DIRAS1: variants seen among roughly 807,000 people sequenced by gnomAD.
DIRAS1 encodes GTP-binding protein Di-Ras1.
DIRAS1 carries 3 observed loss-of-function variants against 11.5 expected under a neutral mutation model. The observed-to-expected ratio is 0.26, with a 90% CI of 0.12 to 0.67. The LOEUF (loss-of-function observed/expected upper bound fraction) is 0.67. Among genes scored for constraint, DIRAS1 ranks in the 30% least tolerant of loss-of-function variants. The pLI, the probability that DIRAS1 is intolerant of heterozygous loss-of-function variation, is 0.80. For synonymous variants in DIRAS1, 128 were observed against 125.8 expected (o/e 1.02, Z -0.12); for missense variants, 212 against 285.3 (o/e 0.74, Z 1.85).
Position 2,717,515 on chromosome 19 carries a change from C to G in DIRAS1, c.292G>C (p.Gly98Arg), listed in dbSNP as rs1257475292. The G allele has an allele frequency of 1.9e-6, 3 of 1,612,966 alleles. No individual in the cohort carries two copies. In the East Asian group the frequency reaches 6.7e-5, roughly 36 times the overall value. Residue 98 changes from glycine to arginine, a missense_variant, in exon 2 of 2, where the codon GGG becomes CGG. Physicochemically the swap from Gly to Arg is moderately radical, Grantham distance 125. This residue lies in a region of DIRAS1 where 128 missense variants were observed against 205.3 expected (regional missense o/e 0.62). Transcript: ENST00000323469. ...TGCACGATGAGCTTGTAGATGGGCC[C>G]CAGCTCCTCCAGCGACTGCTTGCTG... ...VTSKQSLEEL[G>R]PIYKLIVQIK...
chr19:2,717,759 G>A lies in DIRAS1; in HGVS notation c.48C>T (p.Gly16=), dbSNP rs1390866824. The change falls in exon 2 of 2, where the codon GGC becomes GGT. Residue 16 remains glycine, a synonymous_variant. Transcript: ENST00000323469. ...NDYRVVVFGA[G]GVGKSSLVLR... ...GCACCAGCGAGCTCTTGCCCACGCC[G>A]CCCGCCCCGAACACCACCACGCGGT... 2 of 1,602,506 alleles carry A rather than the reference G, an allele frequency of 1.2e-6. No homozygotes were observed. The highest frequency in any genetic ancestry group is 1.7e-5 in the Admixed American group (1 of 60,004).
chr19:2,715,601 C>T lies in DIRAS1; in HGVS notation c.*1609G>A, dbSNP rs1913770389. On this transcript the variant is annotated 3_prime_UTR_variant, in exon 2 of 2. Coordinates refer to ENST00000323469, the MANE Select transcript of DIRAS1 (RefSeq NM_145173.4). The stretch of plus-strand genomic sequence containing the variant: ...CTCCTGAGATCCCAAGTAGAGGACC[C>T]AGCCAACCTGCACCCAGGCTCTTGA... 1 of 152,202 alleles carries T rather than the reference C, an allele frequency of 6.6e-6. No individual in the cohort carries two copies. Among genetic ancestry groups the T allele is most frequent in the Admixed American group, 6.6e-5 (1 of 15,266 alleles). The allele number at this position is 152,202 out of a possible 1,614,324, so 9.4% of individuals were successfully genotyped here. A position where few individuals can be genotyped will look rare whatever the true frequency, so the allele number is the denominator to read the frequency against.
In DIRAS1 at chr19:2,716,962, T is replaced by C; in HGVS notation, c.*248A>G. ...CCATCTGCAGGACAAGGGGGCCACC[T>C]CCGGCTCTTGGTTTTGGAGGGTACA... On this transcript the variant is annotated 3_prime_UTR_variant, in exon 2 of 2. Transcript: ENST00000323469. The C allele has an allele frequency of 2.1e-6, 1 of 476,122 alleles. No individual in the cohort carries two copies. The highest frequency in any genetic ancestry group is 3.7e-6 in the Non-Finnish European group (1 of 271,320). The allele number at this position is 476,122 out of a possible 1,614,324, so 29.5% of individuals were successfully genotyped here. A position where few individuals can be genotyped will look rare whatever the true frequency, so the allele number is the denominator to read the frequency against.
At chr19:2,721,145 G>A (rs1913947453) in intron 1 of DIRAS1, among the ~76,000 whole-genome samples, 159 bp downstream of exon 1, 1 of 150,522 alleles carries the variant, frequency 6.6e-6, no homozygotes, top group South Asian at 2.1e-4. Flanking sequence ...CGGCGGGAAG[G>A]GACGGGGGAC....
rs1466739657 is a variant in DIRAS1, at chr19:2,717,755, C to T, written c.52G>A (p.Val18Met). The T allele has an allele frequency of 1.2e-6, 2 of 1,603,114 alleles. No individual in the cohort carries two copies. Among genetic ancestry groups the T allele is most frequent in the Non-Finnish European group, 1.7e-6 (2 of 1,179,852 alleles). ...CGCAGCACCAGCGAGCTCTTGCCCA[C>T]GCCGCCCGCCCCGAACACCACCACG... ...YRVVVFGAGG[V>M]GKSSLVLRFV... Residue 18 changes from valine to methionine, a missense_variant, in exon 2 of 2, where the codon GTG (valine) becomes ATG (methionine). Transcript: ENST00000323469.
In DIRAS1 at chr19:2,717,073, GGC is replaced by G. The variant is rs202163034; in HGVS notation, c.*135_*136del. Reference sequence around the variant, plus strand: ...GGTGGGCAGGGGCAGCGGAGGGGGGGGCGGTGGCCTCGGTTTCCCCAGCCGAG... The same window carrying G: ...GGTGGGCAGGGGCAGCGGAGGGGGGGGGTGGCCTCGGTTTCCCCAGCCGAG... On this transcript the variant is annotated 3_prime_UTR_variant, in exon 2 of 2. Coordinates refer to ENST00000323469, the MANE Select transcript of DIRAS1 (RefSeq NM_145173.4). 180 of 877,572 alleles carry G rather than the reference GGC, an allele frequency of 2.1e-4. 1 individual carries two copies. Among genetic ancestry groups the G allele is most frequent in the African/African-American group, 1.5e-3 (87 of 56,734 alleles). The allele number at this position is 877,572 out of a possible 1,614,324, so 54.4% of individuals were successfully genotyped here.
At position 2,717,160 on chromosome 19, in the gene DIRAS1, G is replaced by GGC. The variant is rs762269587; in HGVS notation, c.*48_*49dup. The GGC allele has an allele frequency of 6.6e-7, 1 of 1,517,112 alleles. No individual in the cohort carries two copies. The highest frequency in any genetic ancestry group is 8.9e-7 in the Non-Finnish European group (1 of 1,128,386). The allele number at this position is 1,517,112 out of a possible 1,614,324, so 94.0% of individuals were successfully genotyped here. On this transcript the variant is annotated 3_prime_UTR_variant, in exon 2 of 2. Coordinates refer to ENST00000323469, the MANE Select transcript of DIRAS1 (RefSeq NM_145173.4). The stretch of plus-strand genomic sequence containing the variant: ...CGAGGAGGGTGTCGGTGTTGGGGGA[G>GGC]GCAGCGGGGGTCAGTGGGGGTGGGC...
At position 2,714,854 on chromosome 19, in the gene DIRAS1, C is replaced by T. The variant is rs1913747536; in HGVS notation, c.*2356G>A. 1 of 152,700 alleles carries T rather than the reference C, an allele frequency of 6.5e-6. No individual in the cohort carries two copies. The allele number at this position is 152,700 out of a possible 1,614,324, so 9.5% of individuals were successfully genotyped here. A position where few individuals can be genotyped will look rare whatever the true frequency, so the allele number is the denominator to read the frequency against. On this transcript the variant is annotated 3_prime_UTR_variant, in exon 2 of 2. Coordinates refer to ENST00000323469, the MANE Select transcript of DIRAS1 (RefSeq NM_145173.4). ...AGAGGCCTGGAGGTGGGCAGGGCCC[C>T]AAGGAGATTGTGCTATCAGGGTGTG...
Position 2,717,064 on chromosome 19 carries a change from G to A in DIRAS1, c.*146C>T, listed in dbSNP as rs1025791551. ...CTGCCTCGGGGTGGGCAGGGGCAGCGGAGGGGGGGGCGGTGGCCTCGGTTT... is the reference window on the plus strand; with the variant it reads ...CTGCCTCGGGGTGGGCAGGGGCAGCAGAGGGGGGGGCGGTGGCCTCGGTTT... On this transcript the variant is annotated 3_prime_UTR_variant, in exon 2 of 2. Transcript: ENST00000323469. The A allele has an allele frequency of 3.8e-5, 31 of 817,188 alleles. No homozygotes were observed. The Admixed American group carries it at 8.5e-4, about 22-fold the overall frequency. 50.6% of individuals were successfully genotyped at this position (817,188 alleles called of 1,614,324 possible).
Position 2,718,603 on chromosome 19 carries a change from G to A in DIRAS1, c.-69-728C>T, listed in dbSNP as rs1194916760. ...TGCAATGGCACAATCTTGGCTCGCC[G>A]CAACCTCCACCTCCCGGGTTCAAGC... On this transcript the variant is annotated intron_variant, in intron 1 of 1. Transcript: ENST00000323469. The surrounding 1 kb of genome is among the most constrained non-coding windows in gnomAD (Gnocchi z 4.2). Among the ~76,000 whole-genome samples, 6 of 152,112 alleles carry A rather than the reference G, an allele frequency of 3.9e-5. No individual in the cohort carries two copies. Among genetic ancestry groups the A allele is most frequent in the Non-Finnish European group, 5.9e-5 (4 of 68,018 alleles).
Position 2,716,872 on chromosome 19 carries a change from A to C in DIRAS1, c.*338T>G. 3.5e-6 allele frequency: 1 copy of C among 288,684 alleles called. No homozygotes were observed. The highest frequency in any genetic ancestry group is 6.5e-6 in the Non-Finnish European group (1 of 154,708). The allele number at this position is 288,684 out of a possible 1,614,324, so 17.9% of individuals were successfully genotyped here. ...CAGGGAAAGAGATGGAAACGGGGAAACGCAGCCTCCTCTGGTCCTGGTGGG... is the reference window on the plus strand; with the variant it reads ...CAGGGAAAGAGATGGAAACGGGGAACCGCAGCCTCCTCTGGTCCTGGTGGG... On this transcript the variant is annotated 3_prime_UTR_variant, in exon 2 of 2. Coordinates refer to ENST00000323469, the MANE Select transcript of DIRAS1 (RefSeq NM_145173.4).
chr19:2,716,973 G>A lies in DIRAS1; in HGVS notation c.*237C>T, dbSNP rs1599475799. 4.0e-6 allele frequency: 2 copies of A among 495,526 alleles called. No homozygotes were observed. Among genetic ancestry groups the A allele is most frequent in the East Asian group, 6.3e-5 (2 of 31,922 alleles). The allele number at this position is 495,526 out of a possible 1,614,324, so 30.7% of individuals were successfully genotyped here. On this transcript the variant is annotated 3_prime_UTR_variant, in exon 2 of 2. Coordinates refer to ENST00000323469, the MANE Select transcript of DIRAS1 (RefSeq NM_145173.4). Reference sequence around the variant, plus strand: ...ACAAGGGGGCCACCTCCGGCTCTTGGTTTTGGAGGGTACAGACAGAACAGG... The same window carrying A: ...ACAAGGGGGCCACCTCCGGCTCTTGATTTTGGAGGGTACAGACAGAACAGG...
At chr19:2,719,868 T>C (rs1174294801) in intron 1 of DIRAS1, among the ~76,000 whole-genome samples, 1 of 152,194 alleles carries the variant, frequency 6.6e-6, no homozygotes, top group Non-Finnish European at 1.5e-5. Flanking sequence ...ACAATTGTGA[T>C]CACAGTCACA....
chr19:2,718,630 A>G lies in DIRAS1; in HGVS notation c.-69-755T>C, dbSNP rs1348436768. On this transcript the variant is annotated intron_variant, in intron 1 of 1. Coordinates refer to ENST00000323469, the MANE Select transcript of DIRAS1 (RefSeq NM_145173.4). The surrounding 1 kb of genome is among the most constrained non-coding windows in gnomAD (Gnocchi z 4.2). Reference sequence around the variant, plus strand: ...AACCTCCACCTCCCGGGTTCAAGCTATTCTCTTGCCTCAGCCTCCCAAGTA... The same window carrying G: ...AACCTCCACCTCCCGGGTTCAAGCTGTTCTCTTGCCTCAGCCTCCCAAGTA... 6.6e-6 allele frequency among the ~76,000 whole-genome samples: 1 copy of G among 152,172 alleles called. No homozygotes were observed. Among genetic ancestry groups the G allele is most frequent in the East Asian group, 1.9e-4 (1 of 5,202 alleles).
rs1352502945 is a variant in DIRAS1, at chr19:2,717,763, G to A, written c.44C>T (p.Ala15Val). The A allele has an allele frequency of 6.2e-7, 1 of 1,602,612 alleles. No individual in the cohort carries two copies. The change falls in exon 2 of 2, where the codon GCG becomes GTG. Residue 15 changes from alanine (A) to valine (V), a missense_variant. Around this residue, in one of 2 missense-constraint regions of DIRAS1, gnomAD observed 128 missense variants for 205.3 expected, o/e 0.62. Coordinates refer to ENST00000323469, the MANE Select transcript of DIRAS1 (RefSeq NM_145173.4). ...SNDYRVVVFGAGGVGKSSLVL... is the reference protein window; with the variant it reads ...SNDYRVVVFGVGGVGKSSLVL... ...CAGCGAGCTCTTGCCCACGCCGCCC[G>A]CCCCGAACACCACCACGCGGTAATC...
At chr19:2,717,999 C>T (rs1172883436) in intron 1 of DIRAS1, 124 bp from the exon 2 acceptor site, 4 of 618,336 alleles carry the variant, frequency 6.5e-6, no homozygotes, top group Non-Finnish European at 1.1e-5. Context: ...CTCCTGCCTC[C>T]TGAAAAGGCC....
Position 2,717,485 on chromosome 19 carries a change from TGATCTGCAC to T in DIRAS1, c.313_321del (p.Val105_Ile107del). 6.2e-7 allele frequency: 1 copy of T among 1,612,402 alleles called. No homozygotes were observed. Among genetic ancestry groups the T allele is most frequent in the Non-Finnish European group, 8.5e-7 (1 of 1,180,002 alleles). On this transcript the variant is annotated inframe_deletion, in exon 2 of 2. Transcript: ENST00000323469. ...ACGGGGATGTCCTCCACGCTGCCCT[TGATCTGCAC>T]GATGAGCTTGTAGATGGGCCCCAGC...
chr19:2,717,484 T>C lies in DIRAS1; in HGVS notation c.323A>G (p.Lys108Arg), dbSNP rs1913850142. The change falls in exon 2 of 2, where the codon AAG becomes AGG. Residue 108 changes from lysine (K) to arginine (R), a missense_variant. Physicochemically the swap from Lys to Arg is conservative, Grantham distance 26. Around this residue, in one of 2 missense-constraint regions of DIRAS1, gnomAD observed 128 missense variants for 205.3 expected, o/e 0.62. Coordinates refer to ENST00000323469, the MANE Select transcript of DIRAS1 (RefSeq NM_145173.4). ...GPIYKLIVQIKGSVEDIPVML... is the reference protein window; with the variant it reads ...GPIYKLIVQIRGSVEDIPVML... ...CACGGGGATGTCCTCCACGCTGCCCTTGATCTGCACGATGAGCTTGTAGAT... is the reference window on the plus strand; with the variant it reads ...CACGGGGATGTCCTCCACGCTGCCCCTGATCTGCACGATGAGCTTGTAGAT... 1.2e-6 allele frequency: 2 copies of C among 1,612,358 alleles called. No individual in the cohort carries two copies.
rs879915847 is a variant in DIRAS1, at chr19:2,715,287, C to CAT, written c.*1922_*1923insAT. 4.8e-5 allele frequency: 7 copies of CAT among 146,116 alleles called. No homozygotes were observed. Among genetic ancestry groups the CAT allele is most frequent in the African/African-American group, 1.7e-4 (6 of 35,686 alleles). The allele number at this position is 146,116 out of a possible 1,614,324, so 9.1% of individuals were successfully genotyped here. A position where few individuals can be genotyped will look rare whatever the true frequency, so the allele number is the denominator to read the frequency against. ...CTCTCTCTCTCACTGCACAAAAGGGCGTGCGCACACACACACGTTGCTTCC... is the reference window on the plus strand; with the variant it reads ...CTCTCTCTCTCACTGCACAAAAGGGCATGTGCGCACACACACACGTTGCTTCC... On this transcript the variant is annotated 3_prime_UTR_variant, in exon 2 of 2. Coordinates refer to ENST00000323469, the MANE Select transcript of DIRAS1 (RefSeq NM_145173.4).
Sources: gnomAD v4.1 joint callset for allele counts (sites outside exome capture counted in the v4.1 genomes callset) on GRCh38, gnomAD v4.1.1 for gene constraint, gnomAD v4.1.1 regional missense constraint, Gnocchi (gnomAD v3.1) non-coding constraint, MANE v1.5 for transcripts, NCBI Gene and HGNC (gene_info 2026-07-23, HGNC 2026-07-21) for gene names.